Variants in CTNNA2 observed in about 807,000 individuals in gnomAD.
The protein encoded by CTNNA2 is catenin alpha-2.
CTNNA2 carries 42 observed loss-of-function variants against 101.0 expected under a neutral mutation model. The ratio of observed to expected loss-of-function variants is 0.42; its 90% confidence interval spans 0.32 to 0.54. The LOEUF (loss-of-function observed/expected upper bound fraction) is 0.54, where lower values mean the gene tolerates loss of function less well. Ranked by LOEUF, CTNNA2 falls within the 20% of genes least tolerant of loss-of-function variation. The probability of loss-of-function intolerance (pLI) is 0.14; values close to 1 mark genes in which losing one functional copy is unlikely to be tolerated. For missense variants in CTNNA2, 871 were observed against 1,223.1 expected (o/e 0.71, Z 4.29); for synonymous variants, 450 against 456.4 (o/e 0.99, Z 0.18).
chr2:79,644,736 C>T (rs1680687215), intron 1 of CTNNA2, among the ~76,000 whole-genome samples: 1 of 152,192 alleles, frequency 6.6e-6, no homozygotes, highest in Non-Finnish European at 1.5e-5. Flanking sequence ...AGAACACCTG[C>T]TGTTGGTGTC....
chr2:80,577,583 A>T (rs1695163937), intron 13 of CTNNA2, among the ~76,000 whole-genome samples: 1 of 152,120 alleles, frequency 6.6e-6, no homozygotes, highest in Non-Finnish European at 1.5e-5. Flanking sequence ...AACAGAATGT[A>T]TGGGGCAAGA....
chr2:79,215,805 G>A (rs550037198), intron 2 of CTNNA2, among the ~76,000 whole-genome samples: 23 of 152,274 alleles, frequency 1.5e-4, no homozygotes, highest in South Asian at 4.2e-4. Flanking sequence ...AAGCCAGACC[G>A]GGTGTGAGGA....
chr2:79,468,220 G>T lies in CTNNA2; in HGVS notation c.-134-36834G>T, dbSNP rs1273580535. On this transcript the variant is annotated intron_variant, in intron 4 of 21. Transcript: ENST00000466387. ...AAATGGAGAATAAAAAAAGGCAGGGGTTGCAATCCTAGTCTCTGATAAAAC... is the reference window on the plus strand; with the variant it reads ...AAATGGAGAATAAAAAAAGGCAGGGTTTGCAATCCTAGTCTCTGATAAAAC... 5.9e-5 allele frequency among the ~76,000 whole-genome samples: 9 copies of T among 152,136 alleles called. 1 individual carries two copies. In the South Asian group the frequency reaches 1.9e-3, roughly 32 times the overall value.
chr2:80,555,973 TTCTG>T, intron 12 of CTNNA2, 80 bp downstream of exon 12: 3 of 997,048 alleles, frequency 3.0e-6, no homozygotes, highest in Non-Finnish European at 4.2e-6. Context: ...TTTCATTGAT[TTCTG>T]TAGGCCTTTA....
intron 12 of CTNNA2, among the ~76,000 whole-genome samples, chr2:80,569,211 G>A (rs116816965): frequency 0.013 from 1,937 of 151,734 alleles, 48 homozygotes; most frequent in African/African-American, 0.045. Context: ...CTCTGGTTTA[G>A]GATCTCGATC....
chr2:79,810,420 C>T (rs1345676874), intron 3 of CTNNA2, among the ~76,000 whole-genome samples: 1 of 152,014 alleles, frequency 6.6e-6, no homozygotes, highest in Non-Finnish European at 1.5e-5. Context: ...TTTATCTCCC[C>T]CTGGGTCCCT....
chr2:79,985,380 C>G (rs1174111344), intron 7 of CTNNA2, among the ~76,000 whole-genome samples: 1 of 152,182 alleles, frequency 6.6e-6, no homozygotes, highest in Non-Finnish European at 1.5e-5. Context: ...CAGCATTGCT[C>G]AGGGTACATC....
At chr2:80,337,395 A>T (rs561122543) in intron 7 of CTNNA2, among the ~76,000 whole-genome samples, 20 of 144,472 alleles carry the variant, frequency 1.4e-4, no homozygotes, top group South Asian at 2.2e-4. Context: ...TAAACGGGAT[A>T]AAAAAAAAAA....
At chr2:79,415,552 A>G (rs1426565367) in intron 4 of CTNNA2, among the ~76,000 whole-genome samples, 1 of 152,132 alleles carries the variant, frequency 6.6e-6, no homozygotes. Flanking sequence ...AGGAGACAGA[A>G]GTTTTCATCC....
chr2:80,502,266 A>G (rs1463153628), intron 9 of CTNNA2, among the ~76,000 whole-genome samples: 2 of 152,312 alleles, frequency 1.3e-5, no homozygotes, highest in East Asian at 1.9e-4. Context: ...GGAAGATTTT[A>G]ATTTTCAAGC....
chr2:79,762,635 G>C (rs1672870558), intron 3 of CTNNA2, among the ~76,000 whole-genome samples: 2 of 152,034 alleles, frequency 1.3e-5, no homozygotes, highest in Admixed American at 1.3e-4. Flanking sequence ...GGCAAGACCT[G>C]GTCAAAAATC....
At position 80,441,689 on chromosome 2, in the gene CTNNA2, A is replaced by G. The variant is rs115461174; in HGVS notation, c.1290+22088A>G. On this transcript the variant is annotated intron_variant, in intron 9 of 18. Coordinates refer to ENST00000402739, the MANE Select transcript of CTNNA2 (RefSeq NM_001282597.3). Reference sequence around the variant, plus strand: ...CATGAGTGTAGAAAGGTCTGAAAATATAATATGTTAGGCAAGCAATGTGTT... The same window carrying G: ...CATGAGTGTAGAAAGGTCTGAAAATGTAATATGTTAGGCAAGCAATGTGTT... Among the ~76,000 whole-genome samples the G allele has an allele frequency of 9.8e-3, 1,494 of 152,318 alleles. 9 individuals are homozygous for G. The highest frequency in any genetic ancestry group is 0.015 in the Non-Finnish European group (1,011 of 68,034).
chr2:80,186,445 A>G (rs1419758873), intron 7 of CTNNA2, among the ~76,000 whole-genome samples: 3 of 152,210 alleles, frequency 2.0e-5, no homozygotes, highest in Non-Finnish European at 4.4e-5. Flanking sequence ...AGTACAGCAG[A>G]GTTCAGTGCC....
chr2:79,383,596 G>A (rs191242712), intron 4 of CTNNA2, among the ~76,000 whole-genome samples: 355 of 152,254 alleles, frequency 2.3e-3, no homozygotes, highest in Non-Finnish European at 4.4e-3. Context: ...GGCATAGTGC[G>A]TATGCAGGCA....
intron 2 of CTNNA2, among the ~76,000 whole-genome samples, chr2:79,664,391 G>T (rs1474829282): frequency 1.3e-5 from 2 of 152,040 alleles, no homozygotes; most frequent in Admixed American, 1.3e-4. Context: ...CAACCATTAT[G>T]AACTTTCTGT....
At chr2:79,260,386 C>T (rs1017016538) in intron 2 of CTNNA2, among the ~76,000 whole-genome samples, 14 of 152,124 alleles carry the variant, frequency 9.2e-5, no homozygotes, top group African/African-American at 3.4e-4. Flanking sequence ...ATTCTTCTGG[C>T]TCTGTTTGCT....
rs993039537 is a variant in CTNNA2 at position 80,619,314 on chromosome 2, A to C, written c.2574+86A>C. The C allele has an allele frequency of 3.0e-6, 4 of 1,337,418 alleles. No homozygotes were observed. The African/African-American group carries it at 6.0e-5, about 20-fold the overall frequency. 82.8% of individuals were successfully genotyped at this position (1,337,418 alleles called of 1,614,324 possible). On this transcript the variant is annotated intron_variant, in intron 18 of 18. Transcript: ENST00000402739. ...GGGGGATTGGATTTTAGGGAAATAAAAATGTGCCCACTGAAGGCCTCTTAA... is the reference window on the plus strand; with the variant it reads ...GGGGGATTGGATTTTAGGGAAATAACAATGTGCCCACTGAAGGCCTCTTAA...
chr2:80,605,051 T>C (rs2149777358), intron 16 of CTNNA2: 1 of 152,158 alleles, frequency 6.6e-6, no homozygotes, highest in African/African-American at 2.4e-5. Context: ...ACCTTCAGAT[T>C]TCAGCTTTAT....
At chr2:79,563,582 G>T (rs1674928573) in intron 1 of CTNNA2, among the ~76,000 whole-genome samples, 1 of 152,000 alleles carries the variant, frequency 6.6e-6, no homozygotes, top group African/African-American at 2.4e-5. Context: ...TCCATATTTG[G>T]TCAAAACAAT....
Sources: gnomAD v4.1 joint callset for allele counts (sites outside exome capture counted in the v4.1 genomes callset) on GRCh38, gnomAD v4.1.1 for gene constraint, MANE v1.5 for transcripts, NCBI Gene and HGNC (gene_info 2026-07-23, HGNC 2026-07-21) for gene names.